CXCL13: variants seen among roughly 807,000 people sequenced by gnomAD.
CXCL13 encodes the protein C-X-C motif chemokine ligand 13.
Under a neutral mutation model 12.2 loss-of-function variants are expected in CXCL13, and 7 were observed. That is an observed-to-expected ratio of 0.57 (90% CI 0.33 to 1.07). The LOEUF is 1.07. Among genes scored for constraint, CXCL13 ranks in the 50% least tolerant of loss-of-function variants. The pLI, the probability that CXCL13 is intolerant of heterozygous loss-of-function variation, is 0.04. For missense variants in CXCL13, 113 were observed against 127.4 expected (o/e 0.89, Z 0.55); for synonymous variants, 47 against 42.4 (o/e 1.11, Z -0.42).
intron 1 of CXCL13, among the ~76,000 whole-genome samples, chr4:77,551,090 G>A (rs1725504923): frequency 6.6e-6 from 1 of 152,122 alleles, no homozygotes; most frequent in African/African-American, 2.4e-5. Flanking sequence ...TTGCCACCCT[G>A]TGCCTTTTAA....
In CXCL13 at chr4:77,563,993, C is replaced by T. The variant is rs563101447; in HGVS notation, c.-42-41831C>T. ...GCCAGTTTCGAGGGCATGTGACAGACGGCCCTGCACTTGGTTTGATACTCT... is the reference window on the plus strand; with the variant it reads ...GCCAGTTTCGAGGGCATGTGACAGATGGCCCTGCACTTGGTTTGATACTCT... On this transcript the variant is annotated intron_variant, in intron 1 of 4. Transcript: ENST00000286758. Among the ~76,000 whole-genome samples the T allele has an allele frequency of 7.9e-5, 12 of 152,274 alleles. No homozygotes were observed. In the South Asian group the frequency reaches 8.3e-4, roughly 11 times the overall value.
At chr4:77,562,736 T>C (rs539884046) in intron 1 of CXCL13, among the ~76,000 whole-genome samples, 7 of 152,038 alleles carry the variant, frequency 4.6e-5, no homozygotes, top group Admixed American at 1.3e-4. Flanking sequence ...GGTTTGTAAA[T>C]GCACCAATCA....
At chr4:77,572,095 C>T (rs572540818) in intron 1 of CXCL13, among the ~76,000 whole-genome samples, 2 of 151,970 alleles carry the variant, frequency 1.3e-5, no homozygotes, top group East Asian at 1.9e-4. Flanking sequence ...CGCGAGGGTC[C>T]GCGGCTTCAT....
At chr4:77,559,791 G>T (rs896441333) in intron 1 of CXCL13, among the ~76,000 whole-genome samples, 8 of 151,874 alleles carry the variant, frequency 5.3e-5, no homozygotes. Flanking sequence ...GCATGGTGGC[G>T]GGTGCCTGTA....
chr4:77,552,342 G>T (rs1725552914), intron 1 of CXCL13, among the ~76,000 whole-genome samples: 1 of 152,160 alleles, frequency 6.6e-6, no homozygotes, highest in South Asian at 2.1e-4. Flanking sequence ...ATCCTAGGTA[G>T]GGTCCTTTGG....
rs763315854 is a variant in CXCL13, at chr4:77,611,074, C to T, written c.*35C>T. 6.5e-7 allele frequency: 1 copy of T among 1,535,370 alleles called. No individual in the cohort carries two copies. Among genetic ancestry groups the T allele is most frequent in the Admixed American group, 1.7e-5 (1 of 58,830 alleles). On this transcript the variant is annotated 3_prime_UTR_variant, in exon 4 of 4. Transcript: ENST00000682537. ...TTCCACTAAGAACACCTGCATTCTTCCCTTATCCCTGCTCTGGATTTTAGT... is the reference window on the plus strand; with the variant it reads ...TTCCACTAAGAACACCTGCATTCTTTCCTTATCCCTGCTCTGGATTTTAGT...
chr4:77,536,603 A>C (rs1176654166), intron 1 of CXCL13, among the ~76,000 whole-genome samples: 3 of 152,226 alleles, frequency 2.0e-5, no homozygotes, highest in Non-Finnish European at 2.9e-5. Flanking sequence ...TAATAAAGAT[A>C]AAACATTTAG....
At chr4:77,564,299 G>T (rs12512183) in intron 1 of CXCL13, among the ~76,000 whole-genome samples, 2 of 152,178 alleles carry the variant, frequency 1.3e-5, no homozygotes, top group Admixed American at 6.5e-5. Context: ...GAGGAAAGCC[G>T]TGGTATCAGG....
chr4:77,572,843 A>C (rs1051789774), intron 1 of CXCL13, among the ~76,000 whole-genome samples: 2 of 152,074 alleles, frequency 1.3e-5, no homozygotes, highest in Middle Eastern at 3.4e-3. Context: ...CTAAATGCTC[A>C]TCAGTGGTAG....
intron 1 of CXCL13, among the ~76,000 whole-genome samples, chr4:77,541,614 G>GCCTT (rs1337794174): frequency 1.1e-4 from 17 of 152,232 alleles, no homozygotes; most frequent in Non-Finnish European, 2.4e-4. Flanking sequence ...GGTTACTGTA[G>GCCTT]CCTTATTGTG....
At chr4:77,523,810 C>T (rs1039004431) in intron 1 of CXCL13, among the ~76,000 whole-genome samples, 12 of 152,222 alleles carry the variant, frequency 7.9e-5, no homozygotes, top group South Asian at 2.1e-4. Context: ...TTAGAATTTT[C>T]AGCTTTTCTG....
At chr4:77,527,163 T>A (rs1724787430) in intron 1 of CXCL13, among the ~76,000 whole-genome samples, 1 of 152,000 alleles carries the variant, frequency 6.6e-6, no homozygotes, top group Non-Finnish European at 1.5e-5. Flanking sequence ...CATTAATCAT[T>A]CGGAAAGTTC....
intron 1 of CXCL13, among the ~76,000 whole-genome samples, chr4:77,558,196 C>T (rs556372573): frequency 1.3e-5 from 2 of 152,248 alleles, no homozygotes; most frequent in Non-Finnish European, 2.9e-5. Flanking sequence ...ATGCCTCTGG[C>T]TGTTTTTGCA....
intron 1 of CXCL13, among the ~76,000 whole-genome samples, chr4:77,539,610 A>G (rs546602022): frequency 3.5e-4 from 54 of 152,240 alleles, no homozygotes; most frequent in Non-Finnish European, 6.3e-4. Flanking sequence ...TTCTTCTTTT[A>G]CCAGTTGAAT....
chr4:77,581,901 C>T (rs1477690748), intron 1 of CXCL13, among the ~76,000 whole-genome samples: 2 of 152,142 alleles, frequency 1.3e-5, no homozygotes, highest in African/African-American at 2.4e-5. Context: ...GCCTCCTACT[C>T]GTTGAACTGG....
At chr4:77,599,381 A>G (rs1487112663) in intron 1 of CXCL13, among the ~76,000 whole-genome samples, 1 of 152,208 alleles carries the variant, frequency 6.6e-6, no homozygotes, top group African/African-American at 2.4e-5. Context: ...TGTAAACACT[A>G]TGTAAATAGT....
intron 1 of CXCL13, among the ~76,000 whole-genome samples, chr4:77,579,245 C>G (rs535292776): frequency 3.9e-5 from 6 of 152,200 alleles, no homozygotes; most frequent in Admixed American, 3.3e-4. Context: ...TAACTAATGT[C>G]AATTTATACA....
intron 1 of CXCL13, among the ~76,000 whole-genome samples, chr4:77,580,526 C>A (rs1726303583): frequency 6.6e-6 from 1 of 151,306 alleles, no homozygotes; most frequent in South Asian, 2.1e-4. Flanking sequence ...GGGGTTTCAC[C>A]ATGTTAGCCT....
At position 77,549,734 on chromosome 4, in the gene CXCL13, C is replaced by A. The variant is rs542915840; in HGVS notation, c.-43+37946C>A. 2.0e-5 allele frequency among the ~76,000 whole-genome samples: 3 copies of A among 152,296 alleles called. No homozygotes were observed. In the South Asian group the frequency reaches 6.2e-4, roughly 32 times the overall value. The stretch of plus-strand genomic sequence containing the variant: ...AGCTTCATCTCAGAGGGGCACCCAG[C>A]TGTATGAGGTGTCAGTCAGTCCCTA... On this transcript the variant is annotated intron_variant, in intron 1 of 4. Coordinates refer to the CXCL13 transcript ENST00000286758.
Sources: gnomAD v4.1 joint callset for allele counts (sites outside exome capture counted in the v4.1 genomes callset) on GRCh38, gnomAD v4.1.1 for gene constraint, MANE v1.5 for transcripts, NCBI Gene and HGNC (gene_info 2026-07-23, HGNC 2026-07-21) for gene names.